The following SLC22A23 variants were observed in gnomAD, a reference collection of about 807,000 sequenced individuals.
The protein encoded by SLC22A23 is solute carrier family 22 member 23.
SLC22A23 carries 26 observed loss-of-function variants against 61.0 expected under a neutral mutation model. The observed-to-expected ratio is 0.43, with a 90% CI of 0.31 to 0.59. SLC22A23 has a LOEUF of 0.59. SLC22A23 is among the 20% of genes least tolerant of loss of function. The pLI is 0.11. For missense variants in SLC22A23, 796 were observed against 934.7 expected (o/e 0.85, Z 1.94); for synonymous variants, 430 against 413.9 (o/e 1.04, Z -0.47).
At position 3,386,046 on chromosome 6, in the gene SLC22A23, T is replaced by C. The variant is rs116069484; in HGVS notation, c.913+24142A>G. Reference sequence around the variant, plus strand: ...ATGTGACACATCTCACTCTAAATGATGCGGCTCTCAAATTCCCCATTCATG... The same window carrying C: ...ATGTGACACATCTCACTCTAAATGACGCGGCTCTCAAATTCCCCATTCATG... On this transcript the variant is annotated intron_variant, in intron 3 of 9. Coordinates refer to ENST00000406686, the MANE Select transcript of SLC22A23 (RefSeq NM_015482.2). This position sits in a 1 kb window ranked among gnomAD's most constrained non-coding sequence, Gnocchi z 4.4. Among the ~76,000 whole-genome samples, 3,043 of 152,302 alleles carry C rather than the reference T, an allele frequency of 0.02. 52 individuals are homozygous for C. The highest frequency in any genetic ancestry group is 0.058 in the Middle Eastern group (17 of 294).
At chr6:3,425,205 G>A (rs1338297942) in intron 1 of SLC22A23, among the ~76,000 whole-genome samples, 4 of 151,358 alleles carry the variant, frequency 2.6e-5, no homozygotes, top group African/African-American at 4.9e-5. Context: ...TTTCCTCCAG[G>A]GAAAGATATT....
intron 4 of SLC22A23, among the ~76,000 whole-genome samples, chr6:3,321,279 A>G (rs1581687076): frequency 6.6e-6 from 1 of 152,260 alleles, no homozygotes; most frequent in African/African-American, 2.4e-5. Context: ...TGGAGGCAGC[A>G]CAGCCAGTCA....
In SLC22A23 at chr6:3,269,013, G is replaced by A. The variant is rs186296381; in HGVS notation, c.*4042C>T. The A allele has an allele frequency of 4.2e-4, 64 of 152,410 alleles. No individual in the cohort carries two copies. In the East Asian group the frequency reaches 0.01, roughly 25 times the overall value. 9.4% of individuals were successfully genotyped at this position (152,410 alleles called of 1,614,324 possible). On this transcript the variant is annotated 3_prime_UTR_variant, in exon 10 of 10. Coordinates refer to ENST00000406686, the MANE Select transcript of SLC22A23 (RefSeq NM_015482.2). Reference sequence around the variant, plus strand: ...TTATTAAAGAAATATTGTCATTTTCGTTAAAAAATACATTAGAGAAGAGAG... The same window carrying A: ...TTATTAAAGAAATATTGTCATTTTCATTAAAAAATACATTAGAGAAGAGAG...
chr6:3,353,466 G>A (rs1218974252), intron 3 of SLC22A23, among the ~76,000 whole-genome samples: 1 of 152,186 alleles, frequency 6.6e-6, no homozygotes, highest in Admixed American at 6.5e-5. Context: ...CCCACTCAAT[G>A]GGAAATGCCG....
rs553164202 is a variant in SLC22A23, at chr6:3,414,154, C to G, written c.758+1598G>C. 1.4e-3 allele frequency among the ~76,000 whole-genome samples: 211 copies of G among 152,232 alleles called. No individual in the cohort carries two copies. The highest frequency in any genetic ancestry group is 2.5e-3 in the Non-Finnish European group (172 of 68,014). Reference sequence around the variant, plus strand: ...TTCATAAAAGTCGATTTTTACTTTTCTATTAAATTATTTATTGAATAAGGA... The same window carrying G: ...TTCATAAAAGTCGATTTTTACTTTTGTATTAAATTATTTATTGAATAAGGA... On this transcript the variant is annotated intron_variant, in intron 2 of 9. Coordinates refer to ENST00000406686, the MANE Select transcript of SLC22A23 (RefSeq NM_015482.2). The surrounding 1 kb of genome is among the most constrained non-coding windows in gnomAD (Gnocchi z 5.1).
intron 3 of SLC22A23, among the ~76,000 whole-genome samples, chr6:3,373,547 T>C (rs1284961690): frequency 6.6e-6 from 1 of 151,718 alleles, no homozygotes; most frequent in Non-Finnish European, 1.5e-5. Context: ...TTGTGAGGCA[T>C]AGGAAGGCCT....
Position 3,343,630 on chromosome 6 carries a change from G to A in SLC22A23, c.914-19628C>T, listed in dbSNP as rs570272780. Among the ~76,000 whole-genome samples the A allele has an allele frequency of 8.1e-4, 124 of 152,290 alleles. 2 individuals are homozygous for A. In the South Asian group the frequency reaches 0.021, roughly 26 times the overall value. ...ATGAGGGCTCTCTCCCATGTTTGTC[G>A]AGACGTAATTAAATACTCAGCAGCC... On this transcript the variant is annotated intron_variant, in intron 3 of 9. Transcript: ENST00000406686.
chr6:3,272,360 G>A lies in SLC22A23; in HGVS notation c.*695C>T, dbSNP rs922986013. ...TGACTGCTGCTCAATTAAGATTTCT[G>A]GTGAAATGTTTAAGCTTTTTCTCCA... is the stretch of plus-strand genomic sequence containing the variant. On this transcript the variant is annotated 3_prime_UTR_variant, in exon 10 of 10. Transcript: ENST00000406686. 6.5e-6 allele frequency: 1 copy of A among 152,690 alleles called. No individual in the cohort carries two copies. Among genetic ancestry groups the A allele is most frequent in the Admixed American group, 6.5e-5 (1 of 15,270 alleles). The allele number at this position is 152,690 out of a possible 1,614,324, so 9.5% of individuals were successfully genotyped here.
At chr6:3,353,486 T>C (rs924502882) in intron 3 of SLC22A23, among the ~76,000 whole-genome samples, 2 of 152,248 alleles carry the variant, frequency 1.3e-5, no homozygotes, top group East Asian at 3.8e-4. Flanking sequence ...GTGACCCTCA[T>C]GCTGGGATTC....
At chr6:3,439,251 A>C (rs780994602) in intron 1 of SLC22A23, 28 of 415,466 alleles carry the variant, frequency 6.7e-5, no homozygotes, top group Admixed American at 2.3e-4. Flanking sequence ...CAACGACAAA[A>C]ATGTCTCCAG....
At chr6:3,393,485 T>C (rs904597524) in intron 3 of SLC22A23, among the ~76,000 whole-genome samples, 4 of 152,204 alleles carry the variant, frequency 2.6e-5, no homozygotes, top group Admixed American at 2.6e-4. Context: ...GCAGTGCAGG[T>C]AGAGAACATT....
chr6:3,284,813 T>TGAGCCTGGTGCC (rs1213828417), intron 8 of SLC22A23: 2 of 1,248,044 alleles, frequency 1.6e-6, no homozygotes, highest in African/African-American at 3.0e-5. Flanking sequence ...GGGCCTGTGC[T>TGAGCCTGGTGCC]GAGCCTGGTG....
At chr6:3,291,435 C>T (rs1342015822) in intron 5 of SLC22A23, 1 of 152,222 alleles carries the variant, frequency 6.6e-6, no homozygotes, top group African/African-American at 2.4e-5. Context: ...CCAGCCAGGG[C>T]ACAGAAGGGA....
chr6:3,334,505 T>C lies in SLC22A23; in HGVS notation c.914-10503A>G, dbSNP rs1486409618. Among the ~76,000 whole-genome samples the C allele has an allele frequency of 3.3e-5, 5 of 152,022 alleles. No individual in the cohort carries two copies. The East Asian group carries it at 7.7e-4, about 23-fold the overall frequency. ...CAACAGCAGGCATGTGACTTTTTTT[T>C]TTTTCAATGAAAAAAAAGAGTTCTT... is the stretch of plus-strand genomic sequence containing the variant. On this transcript the variant is annotated intron_variant, in intron 3 of 9. Transcript: ENST00000406686.
At chr6:3,366,882 A>T (rs1014245377) in intron 3 of SLC22A23, among the ~76,000 whole-genome samples, 3 of 152,178 alleles carry the variant, frequency 2.0e-5, no homozygotes, top group Non-Finnish European at 4.4e-5. Context: ...TCCTCCACTC[A>T]AAATGAAAAC....
chr6:3,376,249 T>C (rs1374583947), intron 3 of SLC22A23, among the ~76,000 whole-genome samples: 1 of 152,196 alleles, frequency 6.6e-6, no homozygotes, highest in Non-Finnish European at 1.5e-5. Context: ...TCCTCCTTCT[T>C]CATTTCAACG....
chr6:3,289,212 G>GT (rs1440751799), intron 6 of SLC22A23, among the ~76,000 whole-genome samples: 1 of 152,222 alleles, frequency 6.6e-6, no homozygotes, highest in Non-Finnish European at 1.5e-5. Context: ...AAGAACCTGC[G>GT]TGAGTGATGC....
chr6:3,373,892 G>A (rs1766389921), intron 3 of SLC22A23, among the ~76,000 whole-genome samples: 1 of 152,238 alleles, frequency 6.6e-6, no homozygotes, highest in Non-Finnish European at 1.5e-5. Flanking sequence ...CCCACTACGT[G>A]CCAGGCACTG....
rs1772281535 is a variant in SLC22A23, at chr6:3,454,148, C to A, written c.654+1758G>T. 6.6e-6 allele frequency among the ~76,000 whole-genome samples: 1 copy of A among 152,032 alleles called. No individual in the cohort carries two copies. The highest frequency in any genetic ancestry group is 2.1e-4 in the South Asian group (1 of 4,824). ...CCCAGGTTTCCCCTCTCAGTCTGGC[C>A]CAGTAACTGCAACGTGTCATCAAGC... On this transcript the variant is annotated intron_variant, in intron 1 of 9. Transcript: ENST00000406686. This position sits in a 1 kb window ranked among gnomAD's most constrained non-coding sequence, Gnocchi z 4.3.
Sources: gnomAD v4.1 joint callset for allele counts (sites outside exome capture counted in the v4.1 genomes callset) on GRCh38, gnomAD v4.1.1 for gene constraint, Gnocchi (gnomAD v3.1) non-coding constraint, MANE v1.5 for transcripts, NCBI Gene and HGNC (gene_info 2026-07-23, HGNC 2026-07-21) for gene names.